Variants in FERMT2 observed in about 807,000 individuals in gnomAD.
The protein encoded by FERMT2 is fermitin family homolog 2.
Under a neutral mutation model 82.7 loss-of-function variants are expected in FERMT2, and 15 were observed. The observed-to-expected ratio is 0.18, with a 90% CI of 0.12 to 0.28. The LOEUF (loss-of-function observed/expected upper bound fraction) is 0.28. FERMT2 is among the 10% of genes least tolerant of loss of function. The pLI is 1.00. For missense variants in FERMT2, 645 were observed against 809.4 expected, an observed-to-expected ratio of 0.80 and a Z score of 2.46; for synonymous variants, 274 against 271.5, an observed-to-expected ratio of 1.01 and a Z score of -0.09.
chr14:52,887,979 G>C (rs565530113), intron 4 of FERMT2, among the ~76,000 whole-genome samples: 1 of 152,102 alleles, frequency 6.6e-6, no homozygotes, highest in African/African-American at 2.4e-5. Context: ...TTAAGTGAAA[G>C]ATTATGTATT....
At position 52,874,123 on chromosome 14, in the gene FERMT2, T is replaced by G. The variant is rs146577361; in HGVS notation, c.1148+54A>C. The G allele has an allele frequency of 1.2e-4, 138 of 1,157,538 alleles. No homozygotes were observed. The African/African-American group carries it at 1.6e-3, about 14-fold the overall frequency. 71.7% of individuals were successfully genotyped at this position (1,157,538 alleles called of 1,614,324 possible). On this transcript the variant is annotated intron_variant, in intron 9 of 14. Transcript: ENST00000341590. ...ACAGTTAGTTTCAATAATGTGACCA[T>G]GACTATAAAGCTGACAGTTATTAAT...
At position 52,859,494 on chromosome 14, in the gene FERMT2, T is replaced by C. The variant is rs1438348436; in HGVS notation, c.1869+79A>G. On this transcript the variant is annotated intron_variant, in intron 14 of 14. Coordinates refer to ENST00000341590, the MANE Select transcript of FERMT2 (RefSeq NM_006832.3). ...GTGGTGGTACAAATAATCATCAGAA[T>C]TTATAGGCCTTTTTATTCTTAATGT... 3 of 1,263,480 alleles carry C rather than the reference T, an allele frequency of 2.4e-6. No homozygotes were observed. In the East Asian group the frequency reaches 8.1e-5, roughly 34 times the overall value. The allele number at this position is 1,263,480 out of a possible 1,614,324, so 78.3% of individuals were successfully genotyped here.
chr14:52,918,562 GGT>G (rs1250965853), intron 3 of FERMT2, among the ~76,000 whole-genome samples: 1 of 152,206 alleles, frequency 6.6e-6, no homozygotes. Flanking sequence ...CTGCACTAGT[GGT>G]AGTGACAGCA....
Position 52,864,576 on chromosome 14 carries a change from T to G in FERMT2, c.1427A>C (p.Lys476Thr). Residue 476 changes from lysine (K) to threonine (T), a missense_variant, in exon 12 of 15, where the codon AAA becomes ACA. Lys to Thr is a moderately conservative substitution (Grantham distance 78). Coordinates refer to ENST00000341590, the MANE Select transcript of FERMT2 (RefSeq NM_006832.3). Reference sequence around the variant, plus strand: ...AGAACTGTCCGCCATGGTCTTGCCTTTGGAGGCTAATCTGCAGGCTGCCAT... The same window carrying G: ...AGAACTGTCCGCCATGGTCTTGCCTGTGGAGGCTAATCTGCAGGCTGCCAT... The part of the protein sequence containing the change: ...HWMAACRLAS[K>T]GKTMADSSYN... The G allele has an allele frequency of 6.2e-7, 1 of 1,614,210 alleles. No homozygotes were observed. The highest frequency in any genetic ancestry group is 8.5e-7 in the Non-Finnish European group (1 of 1,180,036).
At chr14:52,867,937 T>C (rs753583727) in intron 10 of FERMT2, among the ~76,000 whole-genome samples, 4 of 152,190 alleles carry the variant, frequency 2.6e-5, no homozygotes, top group Non-Finnish European at 4.4e-5. Context: ...CCATGTTGAT[T>C]ACCTTAATTT....
At chr14:52,938,421 A>G (rs765312234) in intron 2 of FERMT2, among the ~76,000 whole-genome samples, 2 of 152,244 alleles carry the variant, frequency 1.3e-5, no homozygotes, top group Non-Finnish European at 2.9e-5. Context: ...TTTAAATACC[A>G]TATTTAGTCA....
chr14:52,875,386 A>T, intron 7 of FERMT2, 29 bp from the exon 8 acceptor site: 1 of 1,502,412 alleles, frequency 6.7e-7, no homozygotes, highest in Non-Finnish European at 9.2e-7. Flanking sequence ...TATTAAAATA[A>T]TTGCTATAAC....
At chr14:52,942,782 T>C (rs1017777253) in intron 2 of FERMT2, among the ~76,000 whole-genome samples, 7 of 152,308 alleles carry the variant, frequency 4.6e-5, no homozygotes, top group African/African-American at 1.7e-4. Context: ...CAGCACCTAC[T>C]ACAGTCTGAG....
In FERMT2 at chr14:52,858,569, C is replaced by A. The variant is rs767332144; in HGVS notation, c.1870-19G>T. 1 of 1,612,618 alleles carries A rather than the reference C, an allele frequency of 6.2e-7. No homozygotes were observed. The highest frequency in any genetic ancestry group is 1.3e-5 in the African/African-American group (1 of 74,904). On this transcript the variant is annotated intron_variant, in intron 14 of 14. Transcript: ENST00000341590. ...CGGTGACCTGGAACAAAGACAAGAG[C>A]CATCAGTGCTGTCCCAAATGCTAGG...
intron 12 of FERMT2, chr14:52,860,791 G>C: frequency 1.7e-6 from 1 of 581,322 alleles, no homozygotes; most frequent in Non-Finnish European, 3.0e-6. Flanking sequence ...ACATATACAC[G>C]AGTTTTAATT....
intron 3 of FERMT2, among the ~76,000 whole-genome samples, chr14:52,900,167 G>A (rs1887537523): frequency 6.6e-6 from 1 of 151,530 alleles, no homozygotes; most frequent in Non-Finnish European, 1.5e-5. Context: ...ATGAAGTAGT[G>A]TTAGTGTGCT....
intron 4 of FERMT2, among the ~76,000 whole-genome samples, chr14:52,892,377 G>A (rs933881913): frequency 1.3e-5 from 2 of 151,676 alleles, no homozygotes; most frequent in Non-Finnish European, 2.9e-5. Flanking sequence ...CCTGACCTCA[G>A]GTGATCTGCC....
Position 52,881,344 on chromosome 14 carries a change from G to C in FERMT2, c.652C>G (p.Pro218Ala). The C allele has an allele frequency of 6.2e-7, 1 of 1,613,952 alleles. No individual in the cohort carries two copies. The highest frequency in any genetic ancestry group is 1.7e-5 in the Admixed American group (1 of 59,998). The stretch of plus-strand genomic sequence containing the variant: ...GGTTGACTGACAGCAAGTATACCAG[G>C]ATTGCCTTCTGACAAAGCACTGTCA... ...FGDSALSEGN[P>A]GILAVSQPIT... Residue 218 changes from proline (P) to alanine (A), a missense_variant, in exon 5 of 15, where the codon CCT becomes GCT. Coordinates refer to ENST00000341590, the MANE Select transcript of FERMT2 (RefSeq NM_006832.3).
chr14:52,920,891 T>C (rs1422337007), intron 2 of FERMT2, among the ~76,000 whole-genome samples: 1 of 151,538 alleles, frequency 6.6e-6, no homozygotes, highest in Non-Finnish European at 1.5e-5. Context: ...AAGGTTGCAG[T>C]GAGCTGTGAT....
intron 12 of FERMT2, chr14:52,861,781 TAATATA>T: frequency 6.6e-6 from 1 of 152,292 alleles, no homozygotes; most frequent in Non-Finnish European, 1.5e-5. Flanking sequence ...CATGTTTAGT[TAATATA>T]TATATAATTG....
At chr14:52,903,074 C>G (rs1729326022) in intron 3 of FERMT2, among the ~76,000 whole-genome samples, 1 of 151,398 alleles carries the variant, frequency 6.6e-6, no homozygotes, top group African/African-American at 2.4e-5. Context: ...TGCATAAATA[C>G]AAGAAATATC....
intron 10 of FERMT2, among the ~76,000 whole-genome samples, chr14:52,869,206 C>T (rs1357394824): frequency 1.3e-5 from 2 of 152,094 alleles, no homozygotes; most frequent in Admixed American, 6.6e-5. Flanking sequence ...GTGAAACGCC[C>T]GTGACTGAGA....
chr14:52,934,254 A>T, intron 2 of FERMT2, among the ~76,000 whole-genome samples: 1 of 152,100 alleles, frequency 6.6e-6, no homozygotes, highest in Admixed American at 6.6e-5. Flanking sequence ...TGTTAAAAAC[A>T]TTAAAAACTC....
At chr14:52,872,014 T>A (rs571561929) in intron 10 of FERMT2, 1 of 152,270 alleles carries the variant, frequency 6.6e-6, no homozygotes, top group African/African-American at 2.4e-5. Flanking sequence ...ACCCTGAAAG[T>A]GTCAGCTACT....
Sources: allele counts gnomAD v4.1 joint callset (sites outside exome capture counted in the v4.1 genomes callset), GRCh38; gene constraint gnomAD v4.1.1; transcripts MANE v1.5; gene names NCBI Gene and HGNC (gene_info 2026-07-23, HGNC 2026-07-21).